The following TDP1 variants were observed in gnomAD, a reference collection of about 807,000 sequenced individuals.
TDP1 encodes tyr-DNA phosphodiesterase 1.
In TDP1, 64 loss-of-function variants were observed where a neutral mutation model predicts 81.5. The observed-to-expected ratio is 0.79, with a 90% CI of 0.64 to 0.97. The LOEUF (loss-of-function observed/expected upper bound fraction) is 0.97. Among genes scored for constraint, TDP1 ranks in the 50% least tolerant of loss-of-function variants. The pLI, the probability that TDP1 is intolerant of heterozygous loss-of-function variation, is 0.00. For missense variants in TDP1, 723 were observed against 743.8 expected, an observed-to-expected ratio of 0.97 and a Z score of 0.33; for synonymous variants, 256 against 264.3, an observed-to-expected ratio of 0.97 and a Z score of 0.30.
intron 8 of TDP1, among the ~76,000 whole-genome samples, chr14:89,983,587 A>G (rs1252536877): frequency 6.6e-6 from 1 of 152,192 alleles, no homozygotes; most frequent in East Asian, 1.9e-4. Context: ...CAGAAGGGGA[A>G]AAAAGTAACA....
intron 16 of TDP1, among the ~76,000 whole-genome samples, chr14:90,037,551 A>C (rs1409249172): frequency 6.6e-6 from 1 of 152,116 alleles, no homozygotes; most frequent in African/African-American, 2.4e-5. Context: ...ATTTACAGAA[A>C]AGTTTACAAG....
chr14:89,959,984 CTACT>C (rs1892137926), intron 2 of TDP1, among the ~76,000 whole-genome samples: 1 of 152,148 alleles, frequency 6.6e-6, no homozygotes, highest in Non-Finnish European at 1.5e-5. Flanking sequence ...CTAAGACCTG[CTACT>C]TACTTTAGAA....
intron 5 of TDP1, among the ~76,000 whole-genome samples, chr14:89,969,918 C>A (rs964369200): frequency 6.8e-6 from 1 of 146,956 alleles, no homozygotes; most frequent in African/African-American, 2.5e-5. Flanking sequence ...GCTCTGTCGC[C>A]CAGGCTGGAG....
chr14:90,020,864 C>A (rs1431566573), intron 15 of TDP1, among the ~76,000 whole-genome samples: 1 of 147,486 alleles, frequency 6.8e-6, no homozygotes, highest in Non-Finnish European at 1.5e-5. Context: ...GGCATGATCT[C>A]GGCTCACTGC....
Position 89,993,363 on chromosome 14 carries a change from T to C in TDP1, c.1434-13T>C, listed in dbSNP as rs762240353. 1.9e-6 allele frequency: 3 copies of C among 1,607,456 alleles called. No homozygotes were observed. In the Admixed American group the frequency reaches 5.0e-5, roughly 27 times the overall value. ...ATTTCATAATTAGTAACTTTTGTCT[T>C]TTCTGTCACTAGCAAATGGTCAGCT... On this transcript the variant is annotated splice_polypyrimidine_tract_variant and intron_variant, in intron 13 of 16. Coordinates refer to ENST00000335725, the MANE Select transcript of TDP1 (RefSeq NM_018319.4).
chr14:90,031,098 AT>A (rs1490344339), intron 15 of TDP1, among the ~76,000 whole-genome samples: 1 of 150,994 alleles, frequency 6.6e-6, no homozygotes, highest in East Asian at 1.9e-4. Flanking sequence ...AACACAGAAC[AT>A]TTTTTTTTAA....
At chr14:90,013,894 A>T (rs980332068) in intron 14 of TDP1, among the ~76,000 whole-genome samples, 1 of 152,008 alleles carries the variant, frequency 6.6e-6, no homozygotes. Context: ...GTAAGAAGTG[A>T]CTTGTTCCCC....
chr14:89,985,881 G>A (rs1211568440), intron 10 of TDP1, among the ~76,000 whole-genome samples: 1 of 152,086 alleles, frequency 6.6e-6, no homozygotes, highest in Non-Finnish European at 1.5e-5. Context: ...ACAAAAATTA[G>A]CCGGGCATGA....
At chr14:90,021,169 G>T (rs1215680445) in intron 15 of TDP1, among the ~76,000 whole-genome samples, 1 of 152,134 alleles carries the variant, frequency 6.6e-6, no homozygotes, top group African/African-American at 2.4e-5. Flanking sequence ...CCGTGCTCAG[G>T]TGAAGAGCTC....
chr14:89,968,073 A>G (rs773300180), intron 5 of TDP1, among the ~76,000 whole-genome samples: 1 of 152,060 alleles, frequency 6.6e-6, no homozygotes, highest in Non-Finnish European at 1.5e-5. Context: ...TTCTTGGTAC[A>G]TTTAGGGCAT....
chr14:90,025,546 A>G (rs1371923510), intron 15 of TDP1, among the ~76,000 whole-genome samples: 2 of 152,216 alleles, frequency 1.3e-5, no homozygotes, highest in African/African-American at 4.8e-5. Context: ...TTGTATGCCC[A>G]GTACTTAGTG....
In TDP1 at chr14:90,043,755, A is replaced by G. The variant is rs964407918; in HGVS notation, c.*612A>G. On this transcript the variant is annotated 3_prime_UTR_variant, in exon 17 of 17. Coordinates refer to ENST00000335725, the MANE Select transcript of TDP1 (RefSeq NM_018319.4). Reference sequence around the variant, plus strand: ...TTTCAGATTAGGGATGCTCAAATCTATATAGATATAAAATTATCCTCACAG... The same window carrying G: ...TTTCAGATTAGGGATGCTCAAATCTGTATAGATATAAAATTATCCTCACAG... The G allele has an allele frequency of 6.4e-6, 1 of 156,428 alleles. No individual in the cohort carries two copies. The allele number at this position is 156,428 out of a possible 1,614,324, so 9.7% of individuals were successfully genotyped here.
At chr14:90,019,936 T>C (rs1360109537) in intron 15 of TDP1, among the ~76,000 whole-genome samples, 1 of 152,166 alleles carries the variant, frequency 6.6e-6, no homozygotes, top group Non-Finnish European at 1.5e-5. Context: ...TTGGTTCACA[T>C]CATCGGCTAG....
chr14:90,042,140 A>G (rs951158472), intron 16 of TDP1, among the ~76,000 whole-genome samples: 1 of 152,216 alleles, frequency 6.6e-6, no homozygotes, highest in Non-Finnish European at 1.5e-5. Flanking sequence ...TTATTTATAC[A>G]GAGGCCTTCA....
At chr14:90,002,393 A>G (rs1004005823) in intron 14 of TDP1, among the ~76,000 whole-genome samples, 5 of 152,228 alleles carry the variant, frequency 3.3e-5, no homozygotes, top group Non-Finnish European at 4.4e-5. Context: ...TGGAATCCCA[A>G]GGATGATGAT....
intron 16 of TDP1, among the ~76,000 whole-genome samples, chr14:90,037,583 A>G (rs1039567806): frequency 1.6e-4 from 24 of 152,340 alleles, no homozygotes; most frequent in African/African-American, 5.5e-4. Context: ...GAATTCCTGC[A>G]CACTCTTTAC....
At chr14:89,971,703 TC>T (rs1015256266) in intron 6 of TDP1, among the ~76,000 whole-genome samples, 84 of 152,310 alleles carry the variant, frequency 5.5e-4, no homozygotes, top group African/African-American at 1.9e-3. Flanking sequence ...CTGCTAGTGC[TC>T]CCCTGGTTGC....
At chr14:89,982,877 C>G (rs770217039) in intron 8 of TDP1, among the ~76,000 whole-genome samples, 6 of 152,118 alleles carry the variant, frequency 3.9e-5, no homozygotes, top group Non-Finnish European at 7.3e-5. Flanking sequence ...TGTATACAAT[C>G]TCACTTCATA....
At chr14:90,019,193 G>A (rs1331290190) in intron 14 of TDP1, 123 bp from the exon 15 acceptor site, 33 of 1,314,864 alleles carry the variant, frequency 2.5e-5, no homozygotes, top group Non-Finnish European at 3.4e-5. Context: ...AACTCTGCTA[G>A]AAAATGAATG....
Sources: gnomAD v4.1 joint callset for allele counts (sites outside exome capture counted in the v4.1 genomes callset) on GRCh38, gnomAD v4.1.1 for gene constraint, MANE v1.5 for transcripts, NCBI Gene and HGNC (gene_info 2026-07-23, HGNC 2026-07-21) for gene names.